XKR9: variants seen among roughly 807,000 people sequenced by gnomAD.
The protein encoded by XKR9 is XK related 9.
In XKR9, 32 loss-of-function variants were observed where a neutral mutation model predicts 32.0. That is an observed-to-expected ratio of 1.00 (90% CI 0.76 to 1.34). The LOEUF is 1.34. XKR9 is among the 40% of genes most tolerant of loss of function. The pLI, the probability that XKR9 is intolerant of heterozygous loss-of-function variation, is 0.00. For synonymous variants in XKR9, 168 were observed against 143.4 expected, an observed-to-expected ratio of 1.17 and a Z score of -1.22; for missense variants, 546 against 429.7, an observed-to-expected ratio of 1.27 and a Z score of -2.39.
rs572937396 is a variant in XKR9, at chr8:70,761,466, T to A, written n.353-27873T>A. Among the ~76,000 whole-genome samples the A allele has an allele frequency of 3.2e-4, 49 of 152,348 alleles. 1 individual carries two copies. In the South Asian group the frequency reaches 8.9e-3, roughly 28 times the overall value. ...GCATTTCTCTAATGATCAGTGACAC[T>A]GAGCTTTTTTTCACATGATTGTTGT... is the stretch of plus-strand genomic sequence containing the variant. On this transcript the variant is annotated intron_variant and non_coding_transcript_variant, in intron 2 of 3. Coordinates refer to the XKR9 transcript ENST00000520273.
chr8:70,772,200 A>T (rs1807462768), intron 2 of XKR9, among the ~76,000 whole-genome samples: 4 of 152,184 alleles, frequency 2.6e-5, no homozygotes. Flanking sequence ...ATTGTATCTT[A>T]TTCACTTCTG....
At chr8:70,858,428 C>G in the XKR9 span, among the ~76,000 whole-genome samples, 2 of 151,862 alleles carry the variant, frequency 1.3e-5, no homozygotes, top group Non-Finnish European at 2.9e-5. Context: ...AGGATCTCTT[C>G]AAGGAGAACT....
At chr8:70,884,657 A>C in the XKR9 span, among the ~76,000 whole-genome samples, 1 of 152,166 alleles carries the variant, frequency 6.6e-6, no homozygotes, top group African/African-American at 2.4e-5. Context: ...TATCACCATT[A>C]AATTGCCTTT....
At chr8:70,903,231 G>T in the XKR9 span, among the ~76,000 whole-genome samples, 1 of 152,160 alleles carries the variant, frequency 6.6e-6, no homozygotes, top group Non-Finnish European at 1.5e-5. Flanking sequence ...GCTCCTCTTT[G>T]TACCTCTGGT....
At chr8:71,047,954 G>A in the XKR9 span, among the ~76,000 whole-genome samples, 1 of 152,224 alleles carries the variant, frequency 6.6e-6, no homozygotes, top group African/African-American at 2.4e-5. Context: ...TAACCCCCAA[G>A]TGGTAACTGT....
chr8:70,992,820 C>T, the XKR9 span, among the ~76,000 whole-genome samples: 1 of 152,214 alleles, frequency 6.6e-6, no homozygotes, highest in African/African-American at 2.4e-5. Flanking sequence ...TGGCAGAGCA[C>T]CTTCCCCTCA....
At chr8:70,813,767 G>A in the XKR9 span, among the ~76,000 whole-genome samples, 1 of 152,156 alleles carries the variant, frequency 6.6e-6, no homozygotes, top group Non-Finnish European at 1.5e-5. Context: ...CAGTTAGAAT[G>A]GCAATCATTA....
chr8:70,807,342 G>A, the XKR9 span, among the ~76,000 whole-genome samples: 1 of 151,704 alleles, frequency 6.6e-6, no homozygotes, highest in Non-Finnish European at 1.5e-5. Context: ...ACAATATGAA[G>A]AAACTGCACC....
chr8:70,858,811 G>A, the XKR9 span, among the ~76,000 whole-genome samples: 3 of 151,902 alleles, frequency 2.0e-5, no homozygotes, highest in African/African-American at 7.3e-5. Flanking sequence ...TACATGCAGA[G>A]GAATGAAACT....
chr8:70,724,863 C>G (rs758151092), intron 4 of XKR9, among the ~76,000 whole-genome samples: 3 of 152,168 alleles, frequency 2.0e-5, no homozygotes, highest in South Asian at 4.1e-4. Flanking sequence ...ATCTTTATAG[C>G]AGCACCCCAC....
chr8:70,737,246 C>T (rs1222432027), downstream of XKR9, among the ~76,000 whole-genome samples: 158 of 146,802 alleles, frequency 1.1e-3, no homozygotes, highest in African/African-American at 3.8e-3. Context: ...AATGGGAGTT[C>T]ACTCATGATT....
intron 4 of XKR9, among the ~76,000 whole-genome samples, chr8:70,710,104 T>C (rs1178015941): frequency 1.3e-5 from 2 of 152,060 alleles, no homozygotes; most frequent in Non-Finnish European, 2.9e-5. Flanking sequence ...TGTAGACCAA[T>C]GGAACAGGTT....
chr8:70,890,533 T>G, the XKR9 span, among the ~76,000 whole-genome samples: 1 of 151,936 alleles, frequency 6.6e-6, no homozygotes, highest in South Asian at 2.1e-4. Context: ...TGAATTTTAT[T>G]AAATACTTCT....
chr8:70,721,371 C>G (rs950544782), intron 4 of XKR9, among the ~76,000 whole-genome samples: 1 of 151,990 alleles, frequency 6.6e-6, no homozygotes. Flanking sequence ...TCTTGCTTTT[C>G]TAGTTCTTTT....
the XKR9 span, among the ~76,000 whole-genome samples, chr8:70,871,713 A>T: frequency 1.3e-5 from 2 of 152,166 alleles, no homozygotes; most frequent in East Asian, 3.8e-4. Flanking sequence ...GCCACTTAAT[A>T]ACCATACAAT....
chr8:70,677,922 A>G (rs1254728834), intron 2 of XKR9: 1 of 152,226 alleles, frequency 6.6e-6, no homozygotes, highest in Non-Finnish European at 1.5e-5. Context: ...AAGAAATTAT[A>G]TTTTTAAGAA....
At chr8:70,960,758 T>A in the XKR9 span, among the ~76,000 whole-genome samples, 1 of 150,424 alleles carries the variant, frequency 6.6e-6, no homozygotes, top group East Asian at 2.0e-4. Flanking sequence ...TGTAGTCCCA[T>A]CTACTTGGGA....
the XKR9 span, among the ~76,000 whole-genome samples, chr8:70,881,067 T>C: frequency 6.6e-6 from 1 of 152,192 alleles, no homozygotes; most frequent in Admixed American, 6.5e-5. Flanking sequence ...TGGCTAGCCA[T>C]ATGTAGAAAA....
At chr8:70,886,057 C>G in the XKR9 span, among the ~76,000 whole-genome samples, 1 of 152,132 alleles carries the variant, frequency 6.6e-6, no homozygotes, top group Non-Finnish European at 1.5e-5. Flanking sequence ...TACCCCCGCA[C>G]AGGCCTTGAT....
Sources: allele counts gnomAD v4.1 joint callset (sites outside exome capture counted in the v4.1 genomes callset), GRCh38; gene constraint gnomAD v4.1.1; transcripts MANE v1.5; gene names NCBI Gene and HGNC (gene_info 2026-07-23, HGNC 2026-07-21).